PEX14: variants seen among roughly 807,000 people sequenced by gnomAD.
The protein encoded by PEX14 is peroxisomal biogenesis factor 14.
In PEX14, 15 loss-of-function variants were observed where a neutral mutation model predicts 49.5. The ratio of observed to expected loss-of-function variants is 0.30; its 90% confidence interval spans 0.20 to 0.47. The LOEUF (loss-of-function observed/expected upper bound fraction) is 0.47, where lower values mean the gene tolerates loss of function less well. Among genes scored for constraint, PEX14 ranks in the 20% least tolerant of loss-of-function variants. The pLI is 1.00. For missense variants in PEX14, 398 were observed against 494.8 expected, an observed-to-expected ratio of 0.80 and a Z score of 1.86; for synonymous variants, 210 against 212.7, an observed-to-expected ratio of 0.99 and a Z score of 0.11.
At position 10,482,437 on chromosome 1, in the gene PEX14, C is replaced by CTT. The variant is rs954442729; in HGVS notation, c.36+7450_36+7451dup. On this transcript the variant is annotated intron_variant, in intron 1 of 8. Coordinates refer to ENST00000356607, the MANE Select transcript of PEX14 (RefSeq NM_004565.3). Reference sequence around the variant, plus strand: ...GAGCCCCTGCGGGTGGCCCATCTTACTTTTTTTTTTTTTTTTGAAATGGAG... The same window carrying CTT: ...GAGCCCCTGCGGGTGGCCCATCTTACTTTTTTTTTTTTTTTTTTGAAATGGAG... 1.3e-4 allele frequency among the ~76,000 whole-genome samples: 17 copies of CTT among 130,090 alleles called. No individual in the cohort carries two copies. In the East Asian group the frequency reaches 2.9e-3, roughly 22 times the overall value. The allele number at this position is 130,090 out of a possible 152,430, so 85.3% of individuals were successfully genotyped here.
At chr1:10,612,835 G>T (rs1040262844) in intron 4 of PEX14, among the ~76,000 whole-genome samples, 5 of 152,238 alleles carry the variant, frequency 3.3e-5, no homozygotes, top group African/African-American at 1.2e-4. Context: ...GCTTCTGAGC[G>T]AAGCTGATGG....
At chr1:10,534,896 C>T (rs1243448320) in intron 2 of PEX14, among the ~76,000 whole-genome samples, 1 of 152,216 alleles carries the variant, frequency 6.6e-6, no homozygotes, top group East Asian at 1.9e-4. Context: ...ATCCTCATAT[C>T]TTTTGTTCCC....
At chr1:10,475,804 G>C (rs1244497408) in intron 1 of PEX14, among the ~76,000 whole-genome samples, 3 of 152,194 alleles carry the variant, frequency 2.0e-5, no homozygotes, top group Non-Finnish European at 4.4e-5. Flanking sequence ...AGGGCTAAGA[G>C]ACATCTTACA....
At chr1:10,606,501 G>T (rs1641130667) in intron 4 of PEX14, among the ~76,000 whole-genome samples, 1 of 151,746 alleles carries the variant, frequency 6.6e-6, no homozygotes, top group Admixed American at 6.5e-5. Context: ...TAGGAGGTTT[G>T]AGTTCTGATA....
intron 2 of PEX14, among the ~76,000 whole-genome samples, chr1:10,521,068 A>G (rs1638278247): frequency 6.7e-6 from 1 of 149,800 alleles, no homozygotes; most frequent in South Asian, 2.1e-4. Context: ...CCCTTAAAGA[A>G]GTTTTCTTTT....
intron 5 of PEX14, among the ~76,000 whole-genome samples, chr1:10,619,315 A>ATTTT (rs60523076): frequency 7.7e-6 from 1 of 129,038 alleles, no homozygotes. Flanking sequence ...CTGATTGGTG[A>ATTTT]TTTTTTTTTT....
At position 10,478,139 on chromosome 1, in the gene PEX14, C is replaced by T. The variant is rs547127354; in HGVS notation, c.36+3137C>T. ...CTGACCTCAGGTAACCTGCCCACCT[C>T]GGCCTCCCAAAGAGCTTGGTATTAC... On this transcript the variant is annotated intron_variant, in intron 1 of 8. Transcript: ENST00000356607. 1.9e-3 allele frequency among the ~76,000 whole-genome samples: 288 copies of T among 152,246 alleles called. 15 individuals are homozygous for T. In the South Asian group the frequency reaches 0.057, roughly 30 times the overall value.
At chr1:10,511,312 C>CT (rs752675520) in intron 2 of PEX14, among the ~76,000 whole-genome samples, 3 of 151,988 alleles carry the variant, frequency 2.0e-5, no homozygotes, top group Non-Finnish European at 4.4e-5. Flanking sequence ...CTTATTTTCT[C>CT]TTTCATTACT....
intron 1 of PEX14, among the ~76,000 whole-genome samples, chr1:10,478,351 T>C (rs1459304547): frequency 6.6e-6 from 1 of 152,216 alleles, no homozygotes; most frequent in Admixed American, 6.5e-5. Context: ...TGATTTTTCA[T>C]GTGTTGACTA....
intron 1 of PEX14, among the ~76,000 whole-genome samples, chr1:10,484,028 CTT>C (rs200948766): frequency 9.8e-5 from 13 of 132,382 alleles, no homozygotes; most frequent in African/African-American, 1.2e-4. Flanking sequence ...AATGAATTAC[CTT>C]TTTTTTTTTT....
In PEX14 at chr1:10,529,193, A is replaced by G. The variant is rs1638574507; in HGVS notation, c.85-7020A>G. Among the ~76,000 whole-genome samples the G allele has an allele frequency of 6.6e-6, 1 of 152,190 alleles. No individual in the cohort carries two copies. Among genetic ancestry groups the G allele is most frequent in the African/African-American group, 2.4e-5 (1 of 41,436 alleles). The stretch of plus-strand genomic sequence containing the variant: ...ACGCTTTTCCTTCTCAACCTTTCCT[A>G]AAAAGGAACTTTGATCTTCCCAACC... On this transcript the variant is annotated intron_variant, in intron 2 of 8. Coordinates refer to ENST00000356607, the MANE Select transcript of PEX14 (RefSeq NM_004565.3). The surrounding 1 kb of genome is among the most constrained non-coding windows in gnomAD (Gnocchi z 4.2).
intron 4 of PEX14, among the ~76,000 whole-genome samples, chr1:10,614,632 G>A (rs1271503574): frequency 6.6e-6 from 1 of 152,220 alleles, no homozygotes; most frequent in African/African-American, 2.4e-5. Context: ...TGCTGGTCAA[G>A]CTTTCAGCCA....
chr1:10,559,903 C>T (rs183529409), intron 3 of PEX14, among the ~76,000 whole-genome samples: 2 of 152,190 alleles, frequency 1.3e-5, no homozygotes, highest in South Asian at 2.1e-4. Flanking sequence ...GTCTCGCCTC[C>T]CCTGGTCCAC....
chr1:10,567,093 T>G (rs1314820041), intron 3 of PEX14, among the ~76,000 whole-genome samples: 1 of 152,236 alleles, frequency 6.6e-6, no homozygotes. Flanking sequence ...AAATAAAACT[T>G]TATTTATGGA....
chr1:10,606,336 G>A (rs1557869828), intron 4 of PEX14, among the ~76,000 whole-genome samples: 2 of 152,342 alleles, frequency 1.3e-5, no homozygotes, highest in African/African-American at 2.4e-5. Context: ...CGGGAAAAGG[G>A]CAGGCTGCCT....
At chr1:10,537,341 A>AACCCCCCC (rs1553187430) in intron 3 of PEX14, among the ~76,000 whole-genome samples, 10 of 28,450 alleles carry the variant, frequency 3.5e-4, no homozygotes, top group Non-Finnish European at 5.0e-4. Flanking sequence ...TTGTGCCAGC[A>AACCCCCCC]CCCCCCCCCC....
intron 3 of PEX14, among the ~76,000 whole-genome samples, chr1:10,565,601 A>G (rs1229487594): frequency 6.6e-6 from 1 of 152,204 alleles, no homozygotes; most frequent in Admixed American, 6.5e-5. Context: ...TTATTTCCAT[A>G]TCTACAAATT....
At position 10,563,379 on chromosome 1, in the gene PEX14, C is replaced by A. The variant is rs1431332205; in HGVS notation, c.169+27082C>A. ...CTTTGGGAGGCCGAGGCAGGCGGAT[C>A]ATCTGAAGATGGGAGTTTGAGACCA... On this transcript the variant is annotated intron_variant, in intron 3 of 8. Transcript: ENST00000356607. Among the ~76,000 whole-genome samples, 6 of 150,594 alleles carry A rather than the reference C, an allele frequency of 4.0e-5. No homozygotes were observed. The East Asian group carries it at 9.9e-4, about 25-fold the overall frequency.
rs1641651481 is a variant in PEX14, at chr1:10,623,395, A to T, written c.487+274A>T. 3 of 406,702 alleles carry T rather than the reference A, an allele frequency of 7.4e-6. No homozygotes were observed. The highest frequency in any genetic ancestry group is 1.4e-5 in the Non-Finnish European group (3 of 214,562). The allele number at this position is 406,702 out of a possible 1,614,324, so 25.2% of individuals were successfully genotyped here. A position where few individuals can be genotyped will look rare whatever the true frequency, so the allele number is the denominator to read the frequency against. The stretch of plus-strand genomic sequence containing the variant: ...GGGGAATAAAATGACAGCCTTTCTA[A>T]GGGCTGTAAAGTTCATTTTTAATTT... On this transcript the variant is annotated intron_variant, in intron 6 of 8. Transcript: ENST00000356607. The surrounding 1 kb of genome is among the most constrained non-coding windows in gnomAD (Gnocchi z 4.4).
Sources: gnomAD v4.1 joint callset for allele counts (sites outside exome capture counted in the v4.1 genomes callset) on GRCh38, gnomAD v4.1.1 for gene constraint, Gnocchi (gnomAD v3.1) non-coding constraint, MANE v1.5 for transcripts, NCBI Gene and HGNC (gene_info 2026-07-23, HGNC 2026-07-21) for gene names.